GRIK4: variants seen among roughly 807,000 people sequenced by gnomAD.
The protein encoded by GRIK4 is glutamate ionotropic receptor kainate type subunit 4.
GRIK4 carries 40 observed loss-of-function variants against 104.9 expected under a neutral mutation model. The observed-to-expected ratio is 0.38, with a 90% CI of 0.30 to 0.50. The LOEUF (loss-of-function observed/expected upper bound fraction) is 0.50. GRIK4 is among the 20% of genes least tolerant of loss of function. The probability of loss-of-function intolerance (pLI) is 0.93; values close to 1 mark genes in which losing one functional copy is unlikely to be tolerated. For synonymous variants in GRIK4, 485 were observed against 524.9 expected, an observed-to-expected ratio of 0.92 and a Z score of 1.04; for missense variants, 1,047 against 1,308.1, an observed-to-expected ratio of 0.80 and a Z score of 3.08.
chr11:120,884,290 A>G (rs1955055007), intron 11 of GRIK4, among the ~76,000 whole-genome samples: 1 of 152,222 alleles, frequency 6.6e-6, no homozygotes, highest in Non-Finnish European at 1.5e-5. Flanking sequence ...CTATATTTGC[A>G]AATTTTAGTT....
At chr11:120,558,250 G>A (rs12575259) in intron 1 of GRIK4, among the ~76,000 whole-genome samples, 5,172 of 152,176 alleles carry the variant, frequency 0.034, 117 homozygotes, top group East Asian at 0.098. Context: ...CAGTACTATA[G>A]TAGGTATTCT....
chr11:120,973,168 G>C (rs905654314), intron 19 of GRIK4, among the ~76,000 whole-genome samples: 1 of 152,210 alleles, frequency 6.6e-6, no homozygotes, highest in Non-Finnish European at 1.5e-5. Flanking sequence ...AGGTGGAATA[G>C]AAATATAAAG....
chr11:120,820,082 C>CGTGTGT (rs35140379), intron 6 of GRIK4, among the ~76,000 whole-genome samples, 162 bp downstream of exon 6: 118 of 144,830 alleles, frequency 8.1e-4, no homozygotes, highest in Middle Eastern at 3.6e-3. Context: ...CTCATGTGTC[C>CGTGTGT]GTGTGTGTGT....
intron 3 of GRIK4, among the ~76,000 whole-genome samples, chr11:120,703,999 T>G (rs562266686): frequency 3.3e-5 from 5 of 152,360 alleles, no homozygotes; most frequent in Middle Eastern, 3.4e-3. Context: ...AGTTTTAGTT[T>G]AGATTTCTGA....
intron 3 of GRIK4, 52 bp downstream of exon 3, chr11:120,660,452 C>T: frequency 1.5e-6 from 2 of 1,366,054 alleles, no homozygotes. Flanking sequence ...CCCAGGTGTC[C>T]ACAAGGGACA....
chr11:120,769,109 C>T (rs940391611), intron 3 of GRIK4, among the ~76,000 whole-genome samples: 1 of 152,058 alleles, frequency 6.6e-6, no homozygotes, highest in Non-Finnish European at 1.5e-5. Flanking sequence ...TTAAGAAGCC[C>T]TGGTAGTAAT....
chr11:120,713,605 CTG>C (rs1950778009), intron 3 of GRIK4, among the ~76,000 whole-genome samples: 1 of 152,162 alleles, frequency 6.6e-6, no homozygotes, highest in Non-Finnish European at 1.5e-5. Context: ...ATAGATGTAG[CTG>C]TGTCTCTTTT....
chr11:120,732,421 A>G (rs150793468), intron 3 of GRIK4, among the ~76,000 whole-genome samples: 2,116 of 152,260 alleles, frequency 0.014, 50 homozygotes, highest in Non-Finnish European at 0.014. Flanking sequence ...GTGAGCCACC[A>G]TGCCCAGCCA....
intron 1 of GRIK4, among the ~76,000 whole-genome samples, chr11:120,538,290 G>A (rs1207576222): frequency 6.6e-6 from 1 of 152,190 alleles, no homozygotes; most frequent in African/African-American, 2.4e-5. Flanking sequence ...ACCTCCTCCT[G>A]GGGAAGAAAG....
At position 120,905,265 on chromosome 11, in the gene GRIK4, T is replaced by A; in HGVS notation, c.1273-25T>A. 2 of 1,550,400 alleles carry A rather than the reference T, an allele frequency of 1.3e-6. No individual in the cohort carries two copies. The highest frequency in any genetic ancestry group is 1.8e-6 in the Non-Finnish European group (2 of 1,122,494). The stretch of plus-strand genomic sequence containing the variant: ...TGAGACACCAGGGCTAAGATGAGAA[T>A]GACAGCTGCCCAGTTTTGCTGCAGG... On this transcript the variant is annotated intron_variant, in intron 12 of 20. Transcript: ENST00000527524. The surrounding 1 kb of genome is among the most constrained non-coding windows in gnomAD (Gnocchi z 5.1).
At chr11:120,657,240 T>C (rs1255255134) in intron 2 of GRIK4, among the ~76,000 whole-genome samples, 1 of 152,182 alleles carries the variant, frequency 6.6e-6, no homozygotes, top group African/African-American at 2.4e-5. Flanking sequence ...CCCACCTCTA[T>C]TGAGCTTAAA....
chr11:120,717,045 G>C (rs1044121920), intron 3 of GRIK4, among the ~76,000 whole-genome samples: 1 of 152,204 alleles, frequency 6.6e-6, no homozygotes, highest in Non-Finnish European at 1.5e-5. Context: ...AGAGGGGAAA[G>C]GATGCTGCGG....
chr11:120,953,963 T>A lies in GRIK4; in HGVS notation c.1700+999T>A, dbSNP rs1944071667. ...GTGGCTCTGGTTTGCAGGTGTCTCT[T>A]CAGTTGTTACCTTTGCCTCTAGGCC... On this transcript the variant is annotated intron_variant, in intron 15 of 20. Transcript: ENST00000527524. The surrounding 1 kb of genome is among the most constrained non-coding windows in gnomAD (Gnocchi z 4.9). Among the ~76,000 whole-genome samples, 1 of 152,148 alleles carries A rather than the reference T, an allele frequency of 6.6e-6. No homozygotes were observed. The highest frequency in any genetic ancestry group is 6.5e-5 in the Admixed American group (1 of 15,288).
At chr11:120,541,965 A>AC (rs1948042208) in intron 1 of GRIK4, among the ~76,000 whole-genome samples, 1 of 151,970 alleles carries the variant, frequency 6.6e-6, no homozygotes, top group Non-Finnish European at 1.5e-5. Flanking sequence ...AGAAAAAAAA[A>AC]CCCTAAAATT....
chr11:120,780,743 T>G (rs1311287202), intron 3 of GRIK4, among the ~76,000 whole-genome samples: 1 of 152,172 alleles, frequency 6.6e-6, no homozygotes, highest in African/African-American at 2.4e-5. Context: ...TTTGTTGTTT[T>G]TTTTGTTTTG....
intron 3 of GRIK4, among the ~76,000 whole-genome samples, chr11:120,748,233 G>C (rs115172864): frequency 0.013 from 1,911 of 152,060 alleles, 38 homozygotes; most frequent in African/African-American, 0.043. Flanking sequence ...CTTGGCTGTT[G>C]TGTCCATTGG....
chr11:120,820,887 C>A (rs1953107123), intron 6 of GRIK4, among the ~76,000 whole-genome samples: 2 of 152,236 alleles, frequency 1.3e-5, no homozygotes, highest in South Asian at 4.1e-4. Flanking sequence ...CTGGCATGTG[C>A]TTTAATTCAT....
chr11:120,808,905 G>A (rs1440793161), intron 4 of GRIK4, among the ~76,000 whole-genome samples: 3 of 152,142 alleles, frequency 2.0e-5, no homozygotes, highest in Admixed American at 6.5e-5. Flanking sequence ...TGTGAGCCCC[G>A]TGGGGCCAGG....
chr11:120,985,970 CCCCGCCGGCGGCGCGCCGCAGT>C lies in GRIK4; in HGVS notation c.2589_2610del (p.Arg864ProfsTer184). 6.5e-7 allele frequency: 1 copy of C among 1,536,956 alleles called. No homozygotes were observed. The highest frequency in any genetic ancestry group is 8.8e-7 in the Non-Finnish European group (1 of 1,141,844). On this transcript the variant is annotated frameshift_variant, in exon 21 of 21. Transcript: ENST00000527524. LOFTEE classifies it high-confidence loss of function. ...TATCCTGTGTCAGGACAGTATCCAC[CCCCGCCGGCGGCGCGCCGCAGT>C]CCCGCCGCCCCGGCCCCCCATCCCC...
Sources: allele counts gnomAD v4.1 joint callset (sites outside exome capture counted in the v4.1 genomes callset), GRCh38; gene constraint gnomAD v4.1.1; non-coding constraint Gnocchi (gnomAD v3.1); transcripts MANE v1.5; gene names NCBI Gene and HGNC (gene_info 2026-07-23, HGNC 2026-07-21).